The following LRRC4C variants were observed in gnomAD, a reference collection of about 807,000 sequenced individuals.
LRRC4C encodes leucine-rich repeat-containing protein 4C.
A neutral mutation model predicts 33.6 loss-of-function variants in LRRC4C; 5 were observed. That is an observed-to-expected ratio of 0.15 (90% CI 0.08 to 0.31). The LOEUF (loss-of-function observed/expected upper bound fraction) is 0.31. LRRC4C is among the 10% of genes least tolerant of loss of function. LRRC4C has a pLI of 1.00. For missense variants in LRRC4C, 560 were observed against 796.7 expected (o/e 0.70, Z 3.58); for synonymous variants, 329 against 302.0 (o/e 1.09, Z -0.93).
chr11:40,893,791 C>T (rs2136128883), intron 2 of LRRC4C, among the ~76,000 whole-genome samples: 1 of 150,586 alleles, frequency 6.6e-6, no homozygotes, highest in East Asian at 2.0e-4. Context: ...GAAAGGATGG[C>T]CGAAAAATGT....
chr11:41,287,622 T>C (rs968467130), intron 1 of LRRC4C, among the ~76,000 whole-genome samples: 2 of 152,194 alleles, frequency 1.3e-5, no homozygotes, highest in African/African-American at 4.8e-5. Flanking sequence ...TCAATATTAA[T>C]TACTGGCAAA....
intron 2 of LRRC4C, among the ~76,000 whole-genome samples, chr11:40,727,404 T>G (rs1487912928): frequency 5.3e-5 from 8 of 152,074 alleles, no homozygotes; most frequent in Admixed American, 5.2e-4. Context: ...TCACCATATA[T>G]AAAAAATTAA....
intron 2 of LRRC4C, among the ~76,000 whole-genome samples, chr11:40,739,305 T>C (rs1347579680): frequency 1.3e-5 from 2 of 151,936 alleles, no homozygotes; most frequent in African/African-American, 2.4e-5. Context: ...TAAGTATATA[T>C]AGTATTTGTT....
chr11:40,901,021 GT>G (rs1956173431), intron 2 of LRRC4C, among the ~76,000 whole-genome samples: 1 of 152,026 alleles, frequency 6.6e-6, no homozygotes, highest in Non-Finnish European at 1.5e-5. Flanking sequence ...ATCTGGGCCT[GT>G]TGCTTTGTAT....
intron 2 of LRRC4C, among the ~76,000 whole-genome samples, chr11:40,921,698 C>G (rs1592098424): frequency 6.6e-6 from 1 of 152,130 alleles, no homozygotes; most frequent in African/African-American, 2.4e-5. Context: ...GTATAATATT[C>G]AAATCAAAGT....
intron 3 of LRRC4C, among the ~76,000 whole-genome samples, chr11:40,455,824 AT>A (rs1272630806): frequency 2.0e-5 from 3 of 151,918 alleles, no homozygotes; most frequent in African/African-American, 4.8e-5. Flanking sequence ...TTGTGGGCAT[AT>A]TTTTTTCTCT....
chr11:40,541,433 A>G (rs1389180367), intron 3 of LRRC4C, among the ~76,000 whole-genome samples: 2 of 152,104 alleles, frequency 1.3e-5, no homozygotes, highest in African/African-American at 4.8e-5. Context: ...TCTTTTCATA[A>G]AAGATGGTAA....
chr11:40,833,807 T>G (rs1952531261), intron 2 of LRRC4C, among the ~76,000 whole-genome samples: 1 of 152,158 alleles, frequency 6.6e-6, no homozygotes, highest in Non-Finnish European at 1.5e-5. Context: ...TGGATAAGTG[T>G]TGTGCATAAA....
chr11:40,389,481 T>C (rs920064887), intron 3 of LRRC4C, among the ~76,000 whole-genome samples: 2 of 121,926 alleles, frequency 1.6e-5, no homozygotes, highest in African/African-American at 2.9e-5. Flanking sequence ...AAAAAAAAAA[T>C]AATCAAAAAA....
intron 1 of LRRC4C, among the ~76,000 whole-genome samples, chr11:41,241,193 G>A (rs560028308): frequency 7.8e-4 from 118 of 152,212 alleles, no homozygotes; most frequent in African/African-American, 2.3e-3. Context: ...AAATGAAAGC[G>A]TTATTCAAAT....
chr11:40,713,958 C>T (rs1022648852), intron 2 of LRRC4C, among the ~76,000 whole-genome samples: 3 of 152,160 alleles, frequency 2.0e-5, no homozygotes, highest in Non-Finnish European at 4.4e-5. Flanking sequence ...CAGAATATAA[C>T]CTCATAGCTC....
intron 4 of LRRC4C, chr11:40,241,813 G>A (rs978675907): frequency 5.6e-4 from 85 of 152,192 alleles, no homozygotes; most frequent in African/African-American, 2.0e-3. Flanking sequence ...AACCACATAG[G>A]TTGCTAGTAT....
chr11:40,930,817 G>A (rs973413638), intron 2 of LRRC4C, among the ~76,000 whole-genome samples: 1 of 151,952 alleles, frequency 6.6e-6, no homozygotes, highest in Non-Finnish European at 1.5e-5. Flanking sequence ...TTTTTACTGG[G>A]GGCCAAAACA....
At chr11:41,047,339 A>T (rs2138068315) in intron 1 of LRRC4C, among the ~76,000 whole-genome samples, 1 of 152,214 alleles carries the variant, frequency 6.6e-6, no homozygotes, top group South Asian at 2.1e-4. Flanking sequence ...TTTTAAAAAG[A>T]TAGATAATAA....
chr11:41,196,157 C>T (rs564543246), intron 1 of LRRC4C, among the ~76,000 whole-genome samples: 2 of 152,112 alleles, frequency 1.3e-5, no homozygotes, highest in Non-Finnish European at 2.9e-5. Flanking sequence ...TGTATGAGCA[C>T]CTCATCCTGA....
At chr11:41,127,288 T>G (rs1319160211) in intron 1 of LRRC4C, among the ~76,000 whole-genome samples, 3 of 151,556 alleles carry the variant, frequency 2.0e-5, no homozygotes, top group Non-Finnish European at 4.4e-5. Flanking sequence ...TATTGAATAG[T>G]GAATGTTCAT....
At chr11:40,388,865 A>G (rs1223311267) in intron 3 of LRRC4C, among the ~76,000 whole-genome samples, 1 of 152,188 alleles carries the variant, frequency 6.6e-6, no homozygotes, top group Non-Finnish European at 1.5e-5. Flanking sequence ...CCTGAAGTTC[A>G]GAGGACGAGG....
In LRRC4C at chr11:40,869,544, G is replaced by T. The variant is rs114539015; in HGVS notation, c.-407+64091C>A. Reference sequence around the variant, plus strand: ...TCAGGAGTTGGGTGAGTGGGCTCAAGCACGTTCACTAAAAGGCAAAATGGC... The same window carrying T: ...TCAGGAGTTGGGTGAGTGGGCTCAATCACGTTCACTAAAAGGCAAAATGGC... On this transcript the variant is annotated intron_variant, in intron 2 of 6. Transcript: ENST00000528697. Among the ~76,000 whole-genome samples, 1,182 of 152,218 alleles carry T rather than the reference G, an allele frequency of 7.8e-3. 23 individuals are homozygous for T. Among genetic ancestry groups the T allele is most frequent in the African/African-American group, 0.027 (1,103 of 41,536 alleles).
intron 1 of LRRC4C, among the ~76,000 whole-genome samples, chr11:41,338,126 T>C (rs1951515127): frequency 6.6e-6 from 1 of 152,308 alleles, no homozygotes; most frequent in South Asian, 2.1e-4. Flanking sequence ...GTGGAGACAG[T>C]GTGTTGATTC....
Sources: gnomAD v4.1 joint callset for allele counts (sites outside exome capture counted in the v4.1 genomes callset) on GRCh38, gnomAD v4.1.1 for gene constraint, MANE v1.5 for transcripts, NCBI Gene and HGNC (gene_info 2026-07-23, HGNC 2026-07-21) for gene names.